The following UBE4B variants were observed in gnomAD, a reference collection of about 807,000 sequenced individuals.
The protein encoded by UBE4B is ubiquitination factor E4B.
Under a neutral mutation model 148.1 loss-of-function variants are expected in UBE4B, and 27 were observed. The ratio of observed to expected loss-of-function variants is 0.18; its 90% CI spans 0.13 to 0.25. The LOEUF is 0.25. UBE4B is among the 10% of genes least tolerant of loss of function. UBE4B has a pLI of 1.00. For synonymous variants in UBE4B, 596 were observed against 619.3 expected, an observed-to-expected ratio of 0.96 and a Z score of 0.56; for missense variants, 1,170 against 1,662.4, an observed-to-expected ratio of 0.70 and a Z score of 5.15.
At chr1:10,050,721 CTT>C (rs1174636299) in intron 1 of UBE4B, among the ~76,000 whole-genome samples, 35 of 133,278 alleles carry the variant, frequency 2.6e-4, no homozygotes, top group Non-Finnish European at 2.0e-4. Context: ...GACTCCTATT[CTT>C]TTTTTTTTTT....
intron 2 of UBE4B, chr1:10,072,944 T>G (rs769172021): frequency 6.5e-6 from 1 of 153,046 alleles, no homozygotes; most frequent in Non-Finnish European, 1.5e-5. Flanking sequence ...TTGATAGCCT[T>G]CTGAATCATC....
At chr1:10,116,196 G>A (rs922104720) in intron 7 of UBE4B, among the ~76,000 whole-genome samples, 1 of 152,110 alleles carries the variant, frequency 6.6e-6, no homozygotes, top group Non-Finnish European at 1.5e-5. Context: ...AGGCAGGAGT[G>A]CAGTGGCATG....
At position 10,072,020 on chromosome 1, in the gene UBE4B, T is replaced by C. The variant is rs1644494790; in HGVS notation, c.25-8T>C. ...GTTATAGAATGCCCTTTTCCCCTCATGTTGTAGATTCGACGGAGGCGCCTT... is the reference window on the plus strand; with the variant it reads ...GTTATAGAATGCCCTTTTCCCCTCACGTTGTAGATTCGACGGAGGCGCCTT... On this transcript the variant is annotated splice_polypyrimidine_tract_variant and splice_region_variant and intron_variant, in intron 1 of 27. Transcript: ENST00000343090. 1.3e-6 allele frequency: 2 copies of C among 1,569,998 alleles called. No individual in the cohort carries two copies. Among genetic ancestry groups the C allele is most frequent in the African/African-American group, 1.4e-5 (1 of 72,572 alleles).
intron 1 of UBE4B, among the ~76,000 whole-genome samples, chr1:10,061,308 C>A (rs1190020483): frequency 6.6e-6 from 1 of 152,080 alleles, no homozygotes; most frequent in Admixed American, 6.5e-5. Context: ...GGCTGGAGTG[C>A]AAGTGGCATG....
At chr1:10,095,329 C>T in intron 2 of UBE4B, 132 bp from the exon 3 acceptor site, 2 of 1,031,922 alleles carry the variant, frequency 1.9e-6, no homozygotes, top group Non-Finnish European at 2.8e-6. Context: ...ATATAATCTT[C>T]TGATAGAAAT....
chr1:10,060,112 G>C (rs1031961077), intron 1 of UBE4B, among the ~76,000 whole-genome samples: 1 of 151,730 alleles, frequency 6.6e-6, no homozygotes, highest in Non-Finnish European at 1.5e-5. Context: ...AAAGGTTGGG[G>C]GTAGATGAAT....
At chr1:10,177,321 A>G (rs1646442891) in intron 25 of UBE4B, among the ~76,000 whole-genome samples, 1 of 151,750 alleles carries the variant, frequency 6.6e-6, no homozygotes, top group South Asian at 2.1e-4. Context: ...GGAGATCGAG[A>G]CCAGCCTGGC....
Position 10,179,913 on chromosome 1 carries a change from A to C in UBE4B, c.3866A>C (p.Gln1289Pro). 2 of 1,614,144 alleles carry C rather than the reference A, an allele frequency of 1.2e-6. No homozygotes were observed. The highest frequency in any genetic ancestry group is 1.7e-6 in the Non-Finnish European group (2 of 1,180,046). Reference sequence around the variant, plus strand: ...TTCTCAGTGCCAGAACTGAAAGAGCAGATTCAGGCGTGGATGAGAGAGAAA... The same window carrying C: ...TTCTCAGTGCCAGAACTGAAAGAGCCGATTCAGGCGTGGATGAGAGAGAAA... ...MLEPVPELKE[Q>P]IQAWMREKQN... The change falls in exon 28 of 28, where the codon CAG (glutamine) becomes CCG (proline). Residue 1289 changes from glutamine (Q) to proline (P), a missense_variant. Around this residue, in one of 6 missense-constraint regions of UBE4B, gnomAD observed 348 missense variants for 627.2 expected, o/e 0.55. Transcript: ENST00000343090.
intron 7 of UBE4B, among the ~76,000 whole-genome samples, chr1:10,115,975 ATGT>A (rs1378281609): frequency 2.6e-5 from 4 of 152,184 alleles, no homozygotes; most frequent in Admixed American, 6.5e-5. Context: ...ACAGAGTGAA[ATGT>A]TGTTATGTGG....
At chr1:10,054,633 G>T in intron 1 of UBE4B, 1 of 259,856 alleles carries the variant, frequency 3.8e-6, no homozygotes. Context: ...AATTCTCTTG[G>T]CAAGACTGTT....
At chr1:10,120,002 T>C (rs1253388373) in intron 9 of UBE4B, among the ~76,000 whole-genome samples, 3 of 152,190 alleles carry the variant, frequency 2.0e-5, no homozygotes, top group Non-Finnish European at 4.4e-5. Context: ...CAATTTCTGT[T>C]ACTGAGTAAT....
At chr1:10,102,832 G>A in intron 4 of UBE4B, 116 bp from the exon 5 acceptor site, 2 of 1,137,154 alleles carry the variant, frequency 1.8e-6, no homozygotes, top group South Asian at 3.6e-5. Context: ...ATGGTTTCAT[G>A]CATTTTTAAA....
chr1:10,101,255 T>C (rs1271261921), intron 4 of UBE4B, 60 bp downstream of exon 4: 1 of 1,545,426 alleles, frequency 6.5e-7, no homozygotes, highest in Non-Finnish European at 8.9e-7. Flanking sequence ...TCATGTCTTG[T>C]ATCTGTAGAG....
At chr1:10,102,342 A>C (rs1645026777) in intron 4 of UBE4B, among the ~76,000 whole-genome samples, 1 of 145,816 alleles carries the variant, frequency 6.9e-6, no homozygotes, top group African/African-American at 2.5e-5. Flanking sequence ...GGATATGTAC[A>C]TCCTCTGTCA....
chr1:10,133,974 C>T (rs1000506561), intron 15 of UBE4B, among the ~76,000 whole-genome samples: 4 of 151,042 alleles, frequency 2.6e-5, no homozygotes, highest in Admixed American at 6.6e-5. Context: ...CACTTAAGCC[C>T]GGGAGGTTGA....
chr1:10,035,389 GTTT>G (rs533941719), intron 1 of UBE4B, among the ~76,000 whole-genome samples: 774 of 65,708 alleles, frequency 0.012, no homozygotes, highest in African/African-American at 0.038. Context: ...CAGAGATACT[GTTT>G]TTTTTTTTTT....
chr1:10,133,886 C>CA (rs1019672321), intron 15 of UBE4B, among the ~76,000 whole-genome samples: 3 of 150,202 alleles, frequency 2.0e-5, no homozygotes, highest in Admixed American at 6.6e-5. Flanking sequence ...CCTGTCTCTA[C>CA]AAAAAAAATA....
intron 23 of UBE4B, among the ~76,000 whole-genome samples, chr1:10,164,648 C>T (rs1222032121): frequency 6.6e-6 from 1 of 152,184 alleles, no homozygotes; most frequent in Non-Finnish European, 1.5e-5. Flanking sequence ...ATGAAAAAGG[C>T]CCAAATAATT....
intron 21 of UBE4B, among the ~76,000 whole-genome samples, chr1:10,156,703 T>C (rs1646078312): frequency 6.6e-6 from 1 of 152,184 alleles, no homozygotes; most frequent in Admixed American, 6.6e-5. Flanking sequence ...AGCTCATGCT[T>C]TTATACAATT....
Sources: gnomAD v4.1 joint callset for allele counts (sites outside exome capture counted in the v4.1 genomes callset) on GRCh38, gnomAD v4.1.1 for gene constraint, gnomAD v4.1.1 regional missense constraint, MANE v1.5 for transcripts, NCBI Gene and HGNC (gene_info 2026-07-23, HGNC 2026-07-21) for gene names.